Variants in CDK2AP1 observed in about 807,000 individuals in gnomAD.
CDK2AP1 encodes cyclin dependent kinase 2 associated protein 1, also known as cyclin-dependent kinase 2-associated protein 1.
A neutral mutation model predicts 14.1 loss-of-function variants in CDK2AP1; 10 were observed. The observed-to-expected ratio is 0.71, with a 90% CI of 0.44 to 1.20. The LOEUF is 1.20. Ranked by LOEUF, CDK2AP1 falls within the 50% of genes most tolerant of loss-of-function variation. The probability of loss-of-function intolerance (pLI) is 0.00; values close to 1 mark genes in which losing one functional copy is unlikely to be tolerated. For synonymous variants in CDK2AP1, 59 were observed against 59.8 expected (o/e 0.99, Z 0.06); for missense variants, 102 against 149.9 (o/e 0.68, Z 1.67).
At chr12:123,267,530 G>C (rs1303932442) in intron 1 of CDK2AP1, 1 of 455,020 alleles carries the variant, frequency 2.2e-6, no homozygotes, top group African/African-American at 2.0e-5. Flanking sequence ...CATCCAACCA[G>C]AACCTTCCAA....
intron 1 of CDK2AP1, chr12:123,271,081 C>G (rs2048349749): frequency 1.7e-5 from 16 of 921,896 alleles, no homozygotes; most frequent in Non-Finnish European, 1.9e-5. Context: ...CATCCGCGCC[C>G]GCCCGCGCGG....
At position 123,265,197 on chromosome 12, in the gene CDK2AP1, G is replaced by A. The variant is rs543353942; in HGVS notation, c.279C>T (p.Arg93=). 1.6e-5 allele frequency: 26 copies of A among 1,614,114 alleles called. No individual in the cohort carries two copies. The highest frequency in any genetic ancestry group is 4.4e-5 in the South Asian group (4 of 91,086). Residue 93 remains arginine (R), a splice_region_variant and synonymous_variant, in exon 3 of 4, where the codon CGC becomes CGT. Coordinates refer to ENST00000261692, the MANE Select transcript of CDK2AP1 (RefSeq NM_004642.4). The surrounding 1 kb of genome is among the most constrained non-coding windows in gnomAD (Gnocchi z 5.3). ...ACAGGGCAGCGGGGCCGGGCTTACCGCGCTTCAGCCTCTCCATGGCACTCT... is the reference window on the plus strand; with the variant it reads ...ACAGGGCAGCGGGGCCGGGCTTACCACGCTTCAGCCTCTCCATGGCACTCT... The part of the protein sequence containing the change: ...GSKSAMERLK[R]GIIHARGLVR...
chr12:123,271,378 G>A (rs1347087922), intron 1 of CDK2AP1, among the ~76,000 whole-genome samples, 186 bp downstream of exon 1: 1 of 147,228 alleles, frequency 6.8e-6, no homozygotes, highest in Non-Finnish European at 1.5e-5. Context: ...CGGCGTGCGG[G>A]GCGCACCAGA....
chr12:123,271,550 C>A lies in CDK2AP1; in HGVS notation c.55+14G>T. On this transcript the variant is annotated intron_variant, in intron 1 of 3. Transcript: ENST00000261692. ...TTGGCGGCGCTTGGGGCGCGTCGCA[C>A]GCGGCTCACTCACCGGCGTTGAGGG... 1 of 1,000,768 alleles carries A rather than the reference C, an allele frequency of 1.0e-6. No homozygotes were observed. The highest frequency in any genetic ancestry group is 5.8e-5 in the Admixed American group (1 of 17,372). The allele number at this position is 1,000,768 out of a possible 1,614,324, so 62.0% of individuals were successfully genotyped here. A position where few individuals can be genotyped will look rare whatever the true frequency, so the allele number is the denominator to read the frequency against.
At chr12:123,267,486 T>C (rs1442751765) in intron 1 of CDK2AP1, 2 of 517,812 alleles carry the variant, frequency 3.9e-6, no homozygotes, top group Non-Finnish European at 7.1e-6. Context: ...TCCCCAGCTC[T>C]GCAGCAGCCG....
chr12:123,261,995 C>T, intron 3 of CDK2AP1, 192 bp from the exon 4 acceptor site: 2 of 502,890 alleles, frequency 4.0e-6, no homozygotes, highest in Non-Finnish European at 7.1e-6. Flanking sequence ...TAAAGCCCTT[C>T]CCTCCTCACC....
intron 2 of CDK2AP1, among the ~76,000 whole-genome samples, chr12:123,266,054 G>A (rs984984795): frequency 7.9e-5 from 12 of 152,238 alleles, no homozygotes; most frequent in South Asian, 4.1e-4. Flanking sequence ...CTGGGCTTCC[G>A]GCAAGCCCAC....
intron 1 of CDK2AP1, among the ~76,000 whole-genome samples, chr12:123,268,759 G>C (rs551713002): frequency 2.0e-5 from 3 of 152,162 alleles, no homozygotes; most frequent in Non-Finnish European, 4.4e-5. Flanking sequence ...CAACGCCCAC[G>C]ATATCTGGCA....
At chr12:123,271,158 G>GGCCCCGC (rs1012931992) in intron 1 of CDK2AP1, 6 of 378,074 alleles carry the variant, frequency 1.6e-5, no homozygotes, top group Non-Finnish European at 2.2e-5. Context: ...AGGGCGGCGG[G>GGCCCCGC]GCCCCGCGCC....
rs772615840 is a variant in CDK2AP1, at chr12:123,265,325, A to T, written c.154-3T>A. ...GGCACCTGGCTGTTCCCAGTTCCCT[A>T]GAATCAGAAAGAAATGGGTTCAGCA... On this transcript the variant is annotated splice_region_variant and splice_polypyrimidine_tract_variant and intron_variant, in intron 2 of 3. Transcript: ENST00000261692. The surrounding 1 kb of genome is among the most constrained non-coding windows in gnomAD (Gnocchi z 5.3). 1 of 1,613,896 alleles carries T rather than the reference A, an allele frequency of 6.2e-7. No individual in the cohort carries two copies. Among genetic ancestry groups the T allele is most frequent in the East Asian group, 2.2e-5 (1 of 44,866 alleles).
chr12:123,264,473 A>G (rs1227090709), intron 3 of CDK2AP1, among the ~76,000 whole-genome samples: 1 of 147,728 alleles, frequency 6.8e-6, no homozygotes, highest in South Asian at 2.1e-4. Context: ...AAAAAAAAAA[A>G]AAAAAAAAAA....
At chr12:123,270,637 T>C (rs2048345714) in intron 1 of CDK2AP1, among the ~76,000 whole-genome samples, 1 of 151,954 alleles carries the variant, frequency 6.6e-6, no homozygotes, top group Admixed American at 6.5e-5. Flanking sequence ...TCCCCATGGC[T>C]CCCTCGGTCC....
chr12:123,266,914 G>A (rs2048303088), intron 2 of CDK2AP1, among the ~76,000 whole-genome samples: 1 of 152,210 alleles, frequency 6.6e-6, no homozygotes, highest in African/African-American at 2.4e-5. Context: ...CTGGAGGAAC[G>A]CGTGGGGTGG....
chr12:123,267,292 G>C lies in CDK2AP1; in HGVS notation c.56-10C>G. The C allele has an allele frequency of 1.3e-6, 2 of 1,580,224 alleles. No individual in the cohort carries two copies. Among genetic ancestry groups the C allele is most frequent in the Non-Finnish European group, 1.7e-6 (2 of 1,149,572 alleles). The stretch of plus-strand genomic sequence containing the variant: ...GAGTGGACACTCCCAGCTGTGGGGT[G>C]GGGAGAGAGAGGCCAGGAGTCAGCT... On this transcript the variant is annotated splice_polypyrimidine_tract_variant and intron_variant, in intron 1 of 3. Coordinates refer to ENST00000261692, the MANE Select transcript of CDK2AP1 (RefSeq NM_004642.4).
intron 1 of CDK2AP1, chr12:123,271,049 GCC>G (rs2048349342): frequency 1.1e-6 from 1 of 948,134 alleles, no homozygotes; most frequent in Admixed American, 6.4e-5. Flanking sequence ...CAGCCCCGCA[GCC>G]CCGCAGCCCC....
chr12:123,268,292 C>T, intron 1 of CDK2AP1: 2 of 942,460 alleles, frequency 2.1e-6, no homozygotes, highest in Non-Finnish European at 2.5e-6. Flanking sequence ...CTGGCCAAAC[C>T]CACCAGCTGC....
intron 3 of CDK2AP1, among the ~76,000 whole-genome samples, chr12:123,264,878 G>A (rs1593295306): frequency 6.6e-6 from 1 of 152,150 alleles, no homozygotes; most frequent in African/African-American, 2.4e-5. Flanking sequence ...ACCAGGCAGG[G>A]TCGGGGGCAG....
At chr12:123,270,133 G>GC in intron 1 of CDK2AP1, 1 of 800,378 alleles carries the variant, frequency 1.2e-6, no homozygotes. Flanking sequence ...ACCAGCCCCT[G>GC]CCCTCCCCAC....
At chr12:123,267,565 A>C in intron 1 of CDK2AP1, 1 of 376,754 alleles carries the variant, frequency 2.7e-6, no homozygotes, top group Admixed American at 3.9e-5. Context: ...CCCAAAGATA[A>C]AATTATTGCC....
Sources: allele counts gnomAD v4.1 joint callset (sites outside exome capture counted in the v4.1 genomes callset), GRCh38; gene constraint gnomAD v4.1.1; non-coding constraint Gnocchi (gnomAD v3.1); transcripts MANE v1.5; gene names NCBI Gene and HGNC (gene_info 2026-07-23, HGNC 2026-07-21).